Variants in NCAM1 observed in about 807,000 individuals in gnomAD.
The protein encoded by NCAM1 is antigen recognized by monoclonal antibody 5.1H11.
Under a neutral mutation model 109.8 loss-of-function variants are expected in NCAM1, and 14 were observed. The ratio of observed to expected loss-of-function variants is 0.13; its 90% CI spans 0.08 to 0.20. The LOEUF (loss-of-function observed/expected upper bound fraction) is 0.20, where lower values mean the gene tolerates loss of function less well. Among genes scored for constraint, NCAM1 ranks in the 10% least tolerant of loss-of-function variants. The pLI, the probability that NCAM1 is intolerant of heterozygous loss-of-function variation, is 1.00. For synonymous variants in NCAM1, 418 were observed against 442.9 expected (o/e 0.94, Z 0.70); for missense variants, 774 against 1,109.9 (o/e 0.70, Z 4.30).
At position 113,233,284 on chromosome 11, in the gene NCAM1, G is replaced by C. The variant is rs782314579; in HGVS notation, c.1660G>C (p.Val554Leu). Residue 554 changes from valine (V) to leucine (L), a missense_variant, in exon 13 of 20, where the codon GTA becomes CTA. By Grantham distance (32) the Val-to-Leu change is conservative (BLOSUM62 1). Transcript: ENST00000316851. This position sits in a 1 kb window ranked among gnomAD's most constrained non-coding sequence, Gnocchi z 4.5. ...KAEWRAVGEE[V>L]WHSKWYDAKE... ...TGAGTGGAGAGCAGTTGGTGAAGAAGTATGGCATTCCAAGTGGTATGATGC... is the reference window on the plus strand; with the variant it reads ...TGAGTGGAGAGCAGTTGGTGAAGAACTATGGCATTCCAAGTGGTATGATGC... 1.9e-6 allele frequency: 3 copies of C among 1,613,690 alleles called. No homozygotes were observed. Among genetic ancestry groups the C allele is most frequent in the South Asian group, 2.2e-5 (2 of 90,920 alleles).
chr11:112,984,881 G>C, intron 1 of NCAM1, among the ~76,000 whole-genome samples: 1 of 151,468 alleles, frequency 6.6e-6, no homozygotes, highest in East Asian at 1.9e-4. Flanking sequence ...TTCCTTTGCT[G>C]TGCAGGAACG....
intron 1 of NCAM1, among the ~76,000 whole-genome samples, chr11:113,148,897 T>A (rs1289266267): frequency 6.6e-6 from 1 of 152,042 alleles, no homozygotes; most frequent in Non-Finnish European, 1.5e-5. Context: ...CTCAGAGAGG[T>A]CAGTGGGCAG....
In NCAM1 at chr11:113,207,140, G is replaced by A. The variant is rs1944261163; in HGVS notation, c.629-121G>A. On this transcript the variant is annotated intron_variant, in intron 5 of 19. Coordinates refer to ENST00000316851, the MANE Select transcript of NCAM1 (RefSeq NM_181351.5). ...TTCAATTCCTGACACTAACTCTGTA[G>A]CTGCACACGACGTTTGTCCCACAGG... 5.9e-6 allele frequency: 4 copies of A among 681,548 alleles called. No homozygotes were observed. The South Asian group carries it at 7.4e-5, about 13-fold the overall frequency. 42.2% of individuals were successfully genotyped at this position (681,548 alleles called of 1,614,324 possible).
At chr11:113,217,141 T>A (rs1362203406) in intron 8 of NCAM1, among the ~76,000 whole-genome samples, 10 of 152,214 alleles carry the variant, frequency 6.6e-5, no homozygotes, top group Non-Finnish European at 1.3e-4. Flanking sequence ...AAATCATAGA[T>A]GTTCGGAAGG....
chr11:113,059,290 A>C (rs945774674), intron 1 of NCAM1, among the ~76,000 whole-genome samples: 5 of 152,218 alleles, frequency 3.3e-5, no homozygotes, highest in African/African-American at 1.2e-4. Flanking sequence ...CCCATGGGAC[A>C]GTGTTACTAT....
At chr11:113,218,864 G>A (rs1944605396) in intron 8 of NCAM1, among the ~76,000 whole-genome samples, 1 of 152,192 alleles carries the variant, frequency 6.6e-6, no homozygotes, top group South Asian at 2.1e-4. Flanking sequence ...TTGATCATCT[G>A]TATGAAAGTC....
chr11:113,222,928 A>C (rs562152268), intron 9 of NCAM1, among the ~76,000 whole-genome samples: 11 of 152,050 alleles, frequency 7.2e-5, no homozygotes, highest in Admixed American at 2.0e-4. Context: ...TGTTTGTCTC[A>C]TTTGGAGATG....
At chr11:113,237,636 G>A (rs1448115122) in intron 14 of NCAM1, among the ~76,000 whole-genome samples, 3 of 152,138 alleles carry the variant, frequency 2.0e-5, no homozygotes, top group Admixed American at 2.0e-4. Context: ...TTTAACTTGT[G>A]GTTCAACTGA....
chr11:113,272,721 G>A (rs987594479), intron 19 of NCAM1, among the ~76,000 whole-genome samples: 4 of 152,078 alleles, frequency 2.6e-5, no homozygotes, highest in Non-Finnish European at 4.4e-5. Context: ...AGACCGCCAC[G>A]TTCTCTGTCG....
At chr11:113,239,814 A>T (rs1945274456) in intron 14 of NCAM1, among the ~76,000 whole-genome samples, 1 of 152,180 alleles carries the variant, frequency 6.6e-6, no homozygotes, top group South Asian at 2.1e-4. Flanking sequence ...GTGACACTGT[A>T]CTCATGGTTT....
chr11:113,263,179 T>C (rs1242328185), intron 17 of NCAM1: 1 of 1,156,804 alleles, frequency 8.6e-7, no homozygotes, highest in African/African-American at 1.6e-5. Context: ...GAGCTCTTTC[T>C]TTAAATGCTA....
intron 1 of NCAM1, among the ~76,000 whole-genome samples, chr11:113,031,647 G>T (rs1365185537): frequency 6.6e-6 from 1 of 151,750 alleles, no homozygotes; most frequent in Non-Finnish European, 1.5e-5. Context: ...AGCTGAGATT[G>T]TGCCACTGCA....
intron 1 of NCAM1, among the ~76,000 whole-genome samples, chr11:113,167,182 C>G (rs906973970): frequency 2.6e-5 from 4 of 152,194 alleles, no homozygotes; most frequent in African/African-American, 4.8e-5. Flanking sequence ...AATCCAGAAC[C>G]CTGAAGCTTT....
At chr11:113,124,121 C>G (rs1199338102) in intron 1 of NCAM1, among the ~76,000 whole-genome samples, 1 of 152,106 alleles carries the variant, frequency 6.6e-6, no homozygotes, top group African/African-American at 2.4e-5. Flanking sequence ...GATAACAATG[C>G]TAGGGAAAGA....
chr11:113,063,962 G>A (rs1254529819), intron 1 of NCAM1, among the ~76,000 whole-genome samples: 2 of 152,202 alleles, frequency 1.3e-5, no homozygotes, highest in Non-Finnish European at 2.9e-5. Context: ...AAGAGATAAT[G>A]CAGTTTCTTT....
intron 1 of NCAM1, among the ~76,000 whole-genome samples, chr11:113,087,044 G>A (rs1021315248): frequency 6.6e-6 from 1 of 152,162 alleles, no homozygotes; most frequent in Non-Finnish European, 1.5e-5. Flanking sequence ...TATATTTTTC[G>A]ACTGAGGCTT....
At chr11:113,106,201 T>C (rs1940152668) in intron 1 of NCAM1, among the ~76,000 whole-genome samples, 1 of 152,204 alleles carries the variant, frequency 6.6e-6, no homozygotes, top group Non-Finnish European at 1.5e-5. Context: ...CCAGGTCTCA[T>C]TTATGTGATG....
In NCAM1 at chr11:113,210,775, AACACACACACAC is replaced by A. The variant is rs35387760; in HGVS notation, c.916+2809_916+2820del. Among the ~76,000 whole-genome samples, 256 of 130,978 alleles carry A rather than the reference AACACACACACAC, an allele frequency of 2.0e-3. 2 individuals are homozygous for A. The highest frequency in any genetic ancestry group is 5.4e-3 in the Admixed American group (69 of 12,896). 85.9% of individuals were successfully genotyped at this position (130,978 alleles called of 152,430 possible). The stretch of plus-strand genomic sequence containing the variant: ...GACACATACACCCCTCTTCATCACA[AACACACACACAC>A]ACACACACACACACACACACACACA... On this transcript the variant is annotated intron_variant, in intron 7 of 19. Coordinates refer to ENST00000316851, the MANE Select transcript of NCAM1 (RefSeq NM_181351.5).
In NCAM1 at chr11:113,176,113, G is replaced by T. The variant is rs532058630; in HGVS notation, c.53-26266G>T. On this transcript the variant is annotated intron_variant, in intron 1 of 19. Coordinates refer to ENST00000316851, the MANE Select transcript of NCAM1 (RefSeq NM_181351.5). ...AATTTAATGTGTCTTAGGGGAACAG[G>T]GTTTAATCATCAGAGACTCTACTGT... is the stretch of plus-strand genomic sequence containing the variant. Among the ~76,000 whole-genome samples the T allele has an allele frequency of 2.0e-5, 3 of 152,272 alleles. No homozygotes were observed. In the South Asian group the frequency reaches 6.2e-4, roughly 32 times the overall value.
Sources: allele counts gnomAD v4.1 joint callset (sites outside exome capture counted in the v4.1 genomes callset), GRCh38; gene constraint gnomAD v4.1.1; non-coding constraint Gnocchi (gnomAD v3.1); transcripts MANE v1.5; gene names NCBI Gene and HGNC (gene_info 2026-07-23, HGNC 2026-07-21).